BRDT: variants seen among roughly 807,000 people sequenced by gnomAD.
BRDT encodes the protein bromodomain testis-specific protein.
A neutral mutation model predicts 113.9 loss-of-function variants in BRDT; 77 were observed. The ratio of observed to expected loss-of-function variants is 0.68; its 90% CI spans 0.56 to 0.82. The LOEUF (loss-of-function observed/expected upper bound fraction) is 0.82, where lower values mean the gene tolerates loss of function less well. BRDT is among the 40% of genes least tolerant of loss of function. BRDT has a pLI of 0.00. For missense variants in BRDT, 1,027 were observed against 1,105.4 expected (o/e 0.93, Z 1.01); for synonymous variants, 358 against 366.5 (o/e 0.98, Z 0.26).
At chr1:91,996,062 CT>C (rs1241320881) in intron 15 of BRDT, among the ~76,000 whole-genome samples, 1 of 151,946 alleles carries the variant, frequency 6.6e-6, no homozygotes, top group Non-Finnish European at 1.5e-5. Context: ...TATGTCTACT[CT>C]TTTTTTGAAA....
At position 91,980,843 on chromosome 1, in the gene BRDT, T is replaced by C. The variant is rs1051004803; in HGVS notation, c.1460+28T>C. ...AAGTATCTTTTATTATGATAGCTTA[T>C]TAAGACAATAACGATAAGTTGGACT... On this transcript the variant is annotated intron_variant, in intron 9 of 18. Coordinates refer to ENST00000399546, the MANE Select transcript of BRDT (RefSeq NM_207189.4). 2.5e-6 allele frequency: 4 copies of C among 1,590,928 alleles called. No homozygotes were observed. The African/African-American group carries it at 4.1e-5, about 16-fold the overall frequency.
chr1:91,951,777 G>A (rs945144861), intron 1 of BRDT, among the ~76,000 whole-genome samples: 1 of 151,250 alleles, frequency 6.6e-6, no homozygotes, highest in Non-Finnish European at 1.5e-5. Context: ...CCAAAGTGGG[G>A]AAGGTGAGGT....
intron 12 of BRDT, among the ~76,000 whole-genome samples, chr1:91,989,610 C>T (rs1685588636): frequency 6.6e-6 from 1 of 152,196 alleles, no homozygotes; most frequent in Admixed American, 6.5e-5. Flanking sequence ...ATCTAACCAC[C>T]TTGGCCTCCC....
At chr1:91,973,680 T>G (rs1275330666) in intron 4 of BRDT, among the ~76,000 whole-genome samples, 1 of 152,192 alleles carries the variant, frequency 6.6e-6, no homozygotes, top group Non-Finnish European at 1.5e-5. Flanking sequence ...GATTTTGGGC[T>G]GAGATGATGG....
chr1:91,999,306 G>A (rs1053089757), intron 15 of BRDT, among the ~76,000 whole-genome samples: 2 of 152,186 alleles, frequency 1.3e-5, no homozygotes, highest in South Asian at 2.1e-4. Context: ...CGGGACACAA[G>A]ATGAAGAATA....
Position 92,001,980 on chromosome 1 carries a change from TAAAATC to T in BRDT, c.2288-65_2288-60del, listed in dbSNP as rs1686893826. 8 of 1,185,630 alleles carry T rather than the reference TAAAATC, an allele frequency of 6.7e-6. No individual in the cohort carries two copies. In the East Asian group the frequency reaches 1.6e-4, roughly 23 times the overall value. The allele number at this position is 1,185,630 out of a possible 1,614,324, so 73.4% of individuals were successfully genotyped here. On this transcript the variant is annotated intron_variant, in intron 15 of 18. Transcript: ENST00000399546. Reference sequence around the variant, plus strand: ...ATAGTGTCTGACCTGGAAGGAAAAATAAAATCAAATTCTGGGTAAGTAGGATGAAAT... The same window carrying T: ...ATAGTGTCTGACCTGGAAGGAAAAATAAATTCTGGGTAAGTAGGATGAAAT...
chr1:91,978,145 C>T (rs1684332163), intron 6 of BRDT, 23 bp from the exon 7 acceptor site: 2 of 1,593,264 alleles, frequency 1.3e-6, no homozygotes, highest in South Asian at 1.1e-5. Flanking sequence ...ATTTGTGAAT[C>T]CTGTAGTTTT....
intron 4 of BRDT, among the ~76,000 whole-genome samples, chr1:91,969,823 G>GTGT (rs1360208667): frequency 0.062 from 4,527 of 72,508 alleles, 155 homozygotes; most frequent in African/African-American, 0.077. Context: ...GTGTGTGTGT[G>GTGT]TTTTTTTTTT....
chr1:92,001,651 G>A (rs1266683067), intron 15 of BRDT, among the ~76,000 whole-genome samples: 1 of 151,698 alleles, frequency 6.6e-6, no homozygotes, highest in Admixed American at 6.6e-5. Flanking sequence ...AGCCAAGATT[G>A]CACCACTGTA....
At position 92,014,325 on chromosome 1, in the gene BRDT, A is replaced by T. The variant is rs146114659; in HGVS notation, c.*51A>T. On this transcript the variant is annotated 3_prime_UTR_variant, in exon 19 of 19. Transcript: ENST00000399546. ...ACTTAAAATGAATGGTAAAAGATCA[A>T]AATGCATATGGTAAAATGATTGCTT... The T allele has an allele frequency of 1.8e-3, 2,200 of 1,241,616 alleles. 30 individuals are homozygous for T. The African/African-American group carries it at 0.029, about 17-fold the overall frequency. 76.9% of individuals were successfully genotyped at this position (1,241,616 alleles called of 1,614,324 possible). A position where few individuals can be genotyped will look rare whatever the true frequency, so the allele number is the denominator to read the frequency against.
chr1:92,002,347 C>T (rs1182551416), intron 16 of BRDT, among the ~76,000 whole-genome samples, 198 bp downstream of exon 16: 2 of 151,820 alleles, frequency 1.3e-5, no homozygotes, highest in East Asian at 3.9e-4. Context: ...ATCATTGGTC[C>T]TCTTGTTTGT....
intron 13 of BRDT, 38 bp from the exon 14 acceptor site, chr1:91,992,226 A>C: frequency 9.1e-7 from 1 of 1,094,726 alleles, no homozygotes; most frequent in South Asian, 1.8e-5. Context: ...GTTAAGAGAT[A>C]ATATGATTAA....
At chr1:92,014,017 A>C (rs773299280) in intron 18 of BRDT, among the ~76,000 whole-genome samples, 189 bp from the exon 19 acceptor site, 1 of 152,190 alleles carries the variant, frequency 6.6e-6, no homozygotes, top group Non-Finnish European at 1.5e-5. Context: ...TTAACAAATC[A>C]GGTAATATTT....
At position 91,969,823 on chromosome 1, in the gene BRDT, G is replaced by GTT. The variant is rs66466350; in HGVS notation, c.445+1584_445+1585dup. 2.9e-3 allele frequency among the ~76,000 whole-genome samples: 207 copies of GTT among 71,670 alleles called. 2 individuals are homozygous for GTT. The highest frequency in any genetic ancestry group is 9.1e-3 in the African/African-American group (184 of 20,222). The allele number at this position is 71,670 out of a possible 152,430, so 47.0% of individuals were successfully genotyped here. On this transcript the variant is annotated intron_variant, in intron 4 of 18. Transcript: ENST00000399546. ...TTTTTTTGTTTTTGTGTGTGTGTGT[G>GTT]TTTTTTTTTTTTTTTTTTTTTTGAG...
intron 12 of BRDT, among the ~76,000 whole-genome samples, chr1:91,983,494 T>G (rs1241866435): frequency 1.3e-5 from 2 of 152,030 alleles, no homozygotes; most frequent in Non-Finnish European, 2.9e-5. Context: ...GACCTTGTGA[T>G]CCACCCACCT....
chr1:92,013,952 C>T lies in BRDT; in HGVS notation c.2776-254C>T, dbSNP rs142924527. On this transcript the variant is annotated intron_variant, in intron 18 of 18. Coordinates refer to ENST00000399546, the MANE Select transcript of BRDT (RefSeq NM_207189.4). ...CTTTTACTTGTAGGGAGGGGTCAAA[C>T]TTATTCTTAGTGTTCTTGTAGGTTT... Among the ~76,000 whole-genome samples, 439 of 152,182 alleles carry T rather than the reference C, an allele frequency of 2.9e-3. 1 individual carries two copies. Among genetic ancestry groups the T allele is most frequent in the African/African-American group, 0.01 (423 of 41,536 alleles).
At chr1:91,958,217 T>C (rs943850903) in intron 1 of BRDT, among the ~76,000 whole-genome samples, 310 of 149,464 alleles carry the variant, frequency 2.1e-3, no homozygotes, top group African/African-American at 6.4e-3. Flanking sequence ...TCATGCCCTT[T>C]TTTTTTTTTT....
In BRDT at chr1:91,962,385, G is replaced by T. The variant is rs185731351; in HGVS notation, c.-37-333G>T. Among the ~76,000 whole-genome samples the T allele has an allele frequency of 1.8e-3, 273 of 151,512 alleles. 5 individuals are homozygous for T. The highest frequency in any genetic ancestry group is 6.1e-3 in the African/African-American group (250 of 41,280). On this transcript the variant is annotated intron_variant, in intron 1 of 18. Coordinates refer to ENST00000399546, the MANE Select transcript of BRDT (RefSeq NM_207189.4). ...TTTCATTCTTGTTGCCCAGGCTGTAGTGCAATGGCACGATCTTGGCTCACT... is the reference window on the plus strand; with the variant it reads ...TTTCATTCTTGTTGCCCAGGCTGTATTGCAATGGCACGATCTTGGCTCACT...
chr1:91,978,093 G>A (rs1684326051), intron 6 of BRDT, 75 bp from the exon 7 acceptor site: 9 of 1,332,750 alleles, frequency 6.8e-6, no homozygotes, highest in East Asian at 2.3e-5. Context: ...TTTGTAATAT[G>A]AACATTTAAT....
Sources: gnomAD v4.1 joint callset for allele counts (sites outside exome capture counted in the v4.1 genomes callset) on GRCh38, gnomAD v4.1.1 for gene constraint, MANE v1.5 for transcripts, NCBI Gene and HGNC (gene_info 2026-07-23, HGNC 2026-07-21) for gene names.